Variants in RAD51B observed in about 807,000 individuals in gnomAD.
RAD51B encodes the protein DNA repair protein RAD51 homolog 2.
In RAD51B, 38 loss-of-function variants were observed where a neutral mutation model predicts 42.2. That is an observed-to-expected ratio of 0.90 (90% CI 0.70 to 1.18). The LOEUF (loss-of-function observed/expected upper bound fraction) is 1.18. RAD51B is among the 50% of genes most tolerant of loss of function. The pLI, the probability that RAD51B is intolerant of heterozygous loss-of-function variation, is 0.00. For missense variants in RAD51B, 373 were observed against 400.7 expected (o/e 0.93, Z 0.59); for synonymous variants, 154 against 145.2 (o/e 1.06, Z -0.43).
chr14:68,392,309 A>C (rs2083780187), intron 8 of RAD51B, among the ~76,000 whole-genome samples: 1 of 152,146 alleles, frequency 6.6e-6, no homozygotes, highest in Non-Finnish European at 1.5e-5. Context: ...GAATCTTCTT[A>C]TGCTTCGGAA....
intron 7 of RAD51B, among the ~76,000 whole-genome samples, chr14:67,901,939 A>T (rs2043628359): frequency 6.6e-6 from 1 of 152,164 alleles, no homozygotes; most frequent in Non-Finnish European, 1.5e-5. Flanking sequence ...AAATTACTTA[A>T]TTGGTACAAT....
rs192415666 is a variant in RAD51B, at chr14:67,902,546, G to C, written c.756+15342G>C. ...AGTGTTAAGATTTGTTTTAAAATTAGATTGTAACGACATCTGGCTTTTATA... is the reference window on the plus strand; with the variant it reads ...AGTGTTAAGATTTGTTTTAAAATTACATTGTAACGACATCTGGCTTTTATA... On this transcript the variant is annotated intron_variant, in intron 7 of 10. Coordinates refer to ENST00000471583, the MANE Select transcript of RAD51B (RefSeq NM_133510.4). Among the ~76,000 whole-genome samples, 20 of 152,272 alleles carry C rather than the reference G, an allele frequency of 1.3e-4. No homozygotes were observed. In the East Asian group the frequency reaches 3.9e-3, roughly 29 times the overall value.
intron 7 of RAD51B, among the ~76,000 whole-genome samples, chr14:68,210,561 T>TGGTG (rs1566731943): frequency 6.6e-6 from 1 of 152,172 alleles, no homozygotes; most frequent in African/African-American, 2.4e-5. Flanking sequence ...TCTTGTGTCT[T>TGGTG]GGTGGCCTTC....
chr14:68,540,191 T>TTA (rs1555424492), intron 10 of RAD51B: 2 of 874,358 alleles, frequency 2.3e-6, no homozygotes, highest in African/African-American at 2.3e-5. Flanking sequence ...TTTTTTTTTT[T>TTA]AAATACAGGA....
At chr14:68,477,044 A>G (rs916902799) in intron 10 of RAD51B, among the ~76,000 whole-genome samples, 4 of 152,180 alleles carry the variant, frequency 2.6e-5, no homozygotes, top group Admixed American at 6.5e-5. Context: ...GAGCCCTTCA[A>G]TAGGGAGGAT....
At chr14:68,103,809 G>A (rs571232957) in intron 7 of RAD51B, among the ~76,000 whole-genome samples, 1 of 152,236 alleles carries the variant, frequency 6.6e-6, no homozygotes, top group African/African-American at 2.4e-5. Context: ...AAACACATTA[G>A]GATCAAATAA....
chr14:67,913,795 T>A (rs531270284), intron 7 of RAD51B, among the ~76,000 whole-genome samples: 1 of 152,258 alleles, frequency 6.6e-6, no homozygotes, highest in Non-Finnish European at 1.5e-5. Context: ...TGTGTTACAA[T>A]CTAGTTATAC....
At chr14:68,327,330 C>T (rs1477696790) in intron 8 of RAD51B, among the ~76,000 whole-genome samples, 1 of 150,612 alleles carries the variant, frequency 6.6e-6, no homozygotes, top group Admixed American at 6.6e-5. Context: ...TAAATTTCCT[C>T]CAGAGCACAC....
intron 10 of RAD51B, among the ~76,000 whole-genome samples, chr14:68,601,653 G>A (rs747789952): frequency 6.6e-6 from 1 of 152,084 alleles, no homozygotes. Context: ...ACTCAGCTCT[G>A]CCGCCATTCA....
chr14:68,287,889 G>A (rs1368854099), intron 7 of RAD51B, among the ~76,000 whole-genome samples: 1 of 152,180 alleles, frequency 6.6e-6, no homozygotes, highest in African/African-American at 2.4e-5. Context: ...AGAACCATGT[G>A]AGCTAAGTAT....
At chr14:68,507,814 T>C (rs1468568084) in intron 10 of RAD51B, among the ~76,000 whole-genome samples, 3 of 152,230 alleles carry the variant, frequency 2.0e-5, no homozygotes, top group East Asian at 1.9e-4. Flanking sequence ...GTTCATGTTA[T>C]AGTCATGAGC....
intron 8 of RAD51B, among the ~76,000 whole-genome samples, chr14:68,394,150 G>A (rs1168595927): frequency 6.6e-6 from 1 of 152,196 alleles, no homozygotes; most frequent in Admixed American, 6.5e-5. Context: ...TCTGATCAAA[G>A]TTAAGTTAAG....
At chr14:67,888,873 C>T (rs1255551805) in intron 7 of RAD51B, among the ~76,000 whole-genome samples, 1 of 152,104 alleles carries the variant, frequency 6.6e-6, no homozygotes, top group Non-Finnish European at 1.5e-5. Context: ...CCCATGGATA[C>T]AGGGGGATGA....
chr14:68,108,801 T>C (rs2077416404), intron 7 of RAD51B, among the ~76,000 whole-genome samples: 1 of 151,998 alleles, frequency 6.6e-6, no homozygotes, highest in Non-Finnish European at 1.5e-5. Flanking sequence ...GTTACGTATA[T>C]ATTTTTTAAA....
At chr14:68,128,695 A>G (rs2077823595) in intron 7 of RAD51B, among the ~76,000 whole-genome samples, 1 of 152,162 alleles carries the variant, frequency 6.6e-6, no homozygotes, top group Non-Finnish European at 1.5e-5. Context: ...CTGTCTCAAA[A>G]AAAACGTGAG....
intron 9 of RAD51B, among the ~76,000 whole-genome samples, chr14:68,457,846 C>T (rs1332456183): frequency 6.8e-6 from 1 of 146,944 alleles, no homozygotes; most frequent in Non-Finnish European, 1.5e-5. Context: ...ATCTCCTGAC[C>T]TCGTGATACG....
chr14:68,228,009 A>C (rs1566743127), intron 7 of RAD51B, among the ~76,000 whole-genome samples: 1 of 152,212 alleles, frequency 6.6e-6, no homozygotes. Flanking sequence ...TGCATACATT[A>C]TATCTAACTT....
chr14:68,335,414 T>C (rs1035142962), intron 8 of RAD51B, among the ~76,000 whole-genome samples: 7 of 152,216 alleles, frequency 4.6e-5, no homozygotes, highest in African/African-American at 1.2e-4. Flanking sequence ...ACTCTTTCAG[T>C]TGATTAGTAC....
chr14:68,312,721 T>C (rs1004895943), intron 8 of RAD51B, among the ~76,000 whole-genome samples: 1 of 152,216 alleles, frequency 6.6e-6, no homozygotes, highest in African/African-American at 2.4e-5. Flanking sequence ...TTCTGTTTGG[T>C]TCACCTGGTG....
Sources: gnomAD v4.1 joint callset for allele counts (sites outside exome capture counted in the v4.1 genomes callset) on GRCh38, gnomAD v4.1.1 for gene constraint, MANE v1.5 for transcripts, NCBI Gene and HGNC (gene_info 2026-07-23, HGNC 2026-07-21) for gene names.